The following EPHA6 variants were observed in gnomAD, a reference collection of about 807,000 sequenced individuals.
EPHA6 encodes the protein EPH receptor A6.
Under a neutral mutation model 112.0 loss-of-function variants are expected in EPHA6, and 50 were observed. The observed-to-expected ratio is 0.45, with a 90% CI of 0.36 to 0.56. The LOEUF (loss-of-function observed/expected upper bound fraction) is 0.56. Among genes scored for constraint, EPHA6 ranks in the 20% least tolerant of loss-of-function variants. EPHA6 has a pLI of 0.00. For missense variants in EPHA6, 1,280 were observed against 1,417.4 expected, an observed-to-expected ratio of 0.90 and a Z score of 1.56; for synonymous variants, 529 against 490.7, an observed-to-expected ratio of 1.08 and a Z score of -1.03.
intron 10 of EPHA6, among the ~76,000 whole-genome samples, chr3:97,523,903 T>A (rs1000441240): frequency 6.6e-6 from 1 of 152,028 alleles, no homozygotes; most frequent in African/African-American, 2.4e-5. Flanking sequence ...TCTAATCTAA[T>A]ACAAGCATAA....
intron 12 of EPHA6, among the ~76,000 whole-genome samples, chr3:97,600,648 G>A (rs1003505439): frequency 6.6e-6 from 1 of 151,950 alleles, no homozygotes; most frequent in Non-Finnish European, 1.5e-5. Context: ...ATGTGATCAT[G>A]TATGTAAGTG....
At chr3:97,095,109 G>A (rs1286783907) in intron 3 of EPHA6, among the ~76,000 whole-genome samples, 1 of 152,036 alleles carries the variant, frequency 6.6e-6, no homozygotes, top group Non-Finnish European at 1.5e-5. Context: ...CTGGCAATCT[G>A]TTTTTAATTG....
chr3:97,752,825 A>G lies in EPHA6; in HGVS notation c.*4124A>G, dbSNP rs1014522193. ...TAGTATTTTAAGATCAATATCTGTT[A>G]TTATAAACTCACAGTTGGTGTCCAT... On this transcript the variant is annotated 3_prime_UTR_variant, in exon 18 of 18. Transcript: ENST00000389672. Among the ~76,000 whole-genome samples, 1 of 152,092 alleles carries G rather than the reference A, an allele frequency of 6.6e-6. No homozygotes were observed. The highest frequency in any genetic ancestry group is 2.4e-5 in the African/African-American group (1 of 41,450).
chr3:96,897,211 AAC>A (rs57409609), intron 2 of EPHA6, among the ~76,000 whole-genome samples: 15,270 of 142,856 alleles, frequency 0.11, 1,071 homozygotes, highest in African/African-American at 0.21. Flanking sequence ...TGTATATACA[AAC>A]ACACACACAC....
intron 3 of EPHA6, among the ~76,000 whole-genome samples, chr3:97,212,724 A>C (rs2077910940): frequency 6.6e-6 from 1 of 152,212 alleles, no homozygotes; most frequent in African/African-American, 2.4e-5. Flanking sequence ...GAATGAGAAA[A>C]GATGATAAAA....
chr3:97,519,765 GA>G (rs1014405585), intron 10 of EPHA6, among the ~76,000 whole-genome samples: 1 of 151,442 alleles, frequency 6.6e-6, no homozygotes, highest in Non-Finnish European at 1.5e-5. Context: ...TTTCCTTGTT[GA>G]TTTTTTTTCA....
At chr3:97,065,416 TGC>T (rs2046146990) in intron 3 of EPHA6, among the ~76,000 whole-genome samples, 1 of 152,122 alleles carries the variant, frequency 6.6e-6, no homozygotes, top group Non-Finnish European at 1.5e-5. Context: ...AAATATTAGA[TGC>T]CTTTTATTTT....
chr3:97,031,895 A>C (rs764084768), intron 3 of EPHA6, among the ~76,000 whole-genome samples: 2 of 152,082 alleles, frequency 1.3e-5, no homozygotes, highest in Non-Finnish European at 2.9e-5. Flanking sequence ...GTGGCGATTC[A>C]TCAGGAATCT....
At chr3:96,977,825 A>G in intron 2 of EPHA6, among the ~76,000 whole-genome samples, 1 of 152,154 alleles carries the variant, frequency 6.6e-6, no homozygotes, top group East Asian at 1.9e-4. Context: ...TATTACACAT[A>G]CTGTATTCTT....
chr3:97,045,357 G>A (rs888650342), intron 3 of EPHA6, among the ~76,000 whole-genome samples: 6 of 151,870 alleles, frequency 4.0e-5, no homozygotes, highest in African/African-American at 1.2e-4. Flanking sequence ...AAGAAGGATC[G>A]GTATGTCACA....
intron 7 of EPHA6, among the ~76,000 whole-genome samples, chr3:97,467,972 C>T (rs2091109712): frequency 6.6e-6 from 1 of 151,542 alleles, no homozygotes; most frequent in South Asian, 2.1e-4. Context: ...CCAATTATTC[C>T]TGTGTCATTT....
intron 5 of EPHA6, among the ~76,000 whole-genome samples, chr3:97,269,258 T>A (rs778714220): frequency 2.0e-5 from 3 of 152,210 alleles, no homozygotes; most frequent in Non-Finnish European, 4.4e-5. Context: ...CACTTTCTTC[T>A]TCATTGTTCC....
intron 7 of EPHA6, among the ~76,000 whole-genome samples, chr3:97,468,534 A>G (rs116625919): frequency 0.029 from 4,337 of 151,658 alleles, 191 homozygotes; most frequent in African/African-American, 0.096. Flanking sequence ...TAAAAGAAAG[A>G]TATCAGTATA....
At chr3:97,275,010 C>G (rs1303544254) in intron 5 of EPHA6, among the ~76,000 whole-genome samples, 1 of 152,088 alleles carries the variant, frequency 6.6e-6, no homozygotes, top group East Asian at 1.9e-4. Context: ...GTGAGTTGAG[C>G]ATAGTTTGTG....
chr3:97,581,244 A>G lies in EPHA6; in HGVS notation c.2387-11368A>G, dbSNP rs145880876. On this transcript the variant is annotated intron_variant, in intron 11 of 17. Coordinates refer to ENST00000389672, the MANE Select transcript of EPHA6 (RefSeq NM_001080448.3). Reference sequence around the variant, plus strand: ...CCAATCTGTCTGGGAGAGAAAGACTATATGAGATATCAAGAGGGACTTGAC... The same window carrying G: ...CCAATCTGTCTGGGAGAGAAAGACTGTATGAGATATCAAGAGGGACTTGAC... Among the ~76,000 whole-genome samples the G allele has an allele frequency of 2.9e-3, 447 of 152,378 alleles. 2 individuals carry two copies. Among genetic ancestry groups the G allele is most frequent in the African/African-American group, 0.01 (428 of 41,586 alleles).
At chr3:97,616,920 A>G (rs1235901022) in intron 13 of EPHA6, among the ~76,000 whole-genome samples, 1 of 152,184 alleles carries the variant, frequency 6.6e-6, no homozygotes, top group Non-Finnish European at 1.5e-5. Context: ...CAAATTCAGG[A>G]AATGCAGAGA....
intron 5 of EPHA6, among the ~76,000 whole-genome samples, chr3:97,353,105 C>A (rs2083893758): frequency 1.3e-5 from 2 of 152,046 alleles, no homozygotes; most frequent in South Asian, 4.1e-4. Flanking sequence ...CATCACCTGA[C>A]TAAAGGGCCA....
intron 1 of EPHA6, among the ~76,000 whole-genome samples, chr3:96,819,099 A>G (rs2033043025): frequency 6.6e-6 from 1 of 152,000 alleles, no homozygotes; most frequent in Non-Finnish European, 1.5e-5. Flanking sequence ...TTGCACAAAA[A>G]TTATACATAA....
intron 2 of EPHA6, among the ~76,000 whole-genome samples, chr3:96,959,643 T>C (rs2041887879): frequency 1.3e-5 from 2 of 152,130 alleles, no homozygotes; most frequent in African/African-American, 4.8e-5. Context: ...TATATTTAAG[T>C]CTATGAACCA....
Sources: gnomAD v4.1 joint callset for allele counts (sites outside exome capture counted in the v4.1 genomes callset) on GRCh38, gnomAD v4.1.1 for gene constraint, MANE v1.5 for transcripts, NCBI Gene and HGNC (gene_info 2026-07-23, HGNC 2026-07-21) for gene names.